Variants in COG5 observed in about 807,000 individuals in gnomAD.
COG5 encodes the protein conserved oligomeric Golgi complex subunit 5.
In COG5, 86 loss-of-function variants were observed where a neutral mutation model predicts 110.4. That is an observed-to-expected ratio of 0.78 (90% CI 0.65 to 0.93). The LOEUF (loss-of-function observed/expected upper bound fraction) is 0.93. Ranked by LOEUF, COG5 falls within the 40% of genes least tolerant of loss-of-function variation. The probability of loss-of-function intolerance (pLI) is 0.00; values close to 1 mark genes in which losing one functional copy is unlikely to be tolerated. For synonymous variants in COG5, 360 were observed against 334.6 expected (o/e 1.08, Z -0.83); for missense variants, 1,077 against 987.0 (o/e 1.09, Z -1.22).
In COG5 at chr7:107,283,602, C is replaced by A; in HGVS notation, c.1444G>T (p.Glu482Ter). Residue 482 changes from glutamate (E) to a stop codon, truncating the protein, a stop_gained, in exon 13 of 22, where the codon GAA becomes TAA. Coordinates refer to ENST00000297135, the MANE Select transcript of COG5 (RefSeq NM_006348.5). LOFTEE classifies it high-confidence loss of function. Reference protein sequence around the residue: ...PGGRNPPSSDELDGIIKTIAS... With the variant: ...PGGRNPPSSD ...ATAGTTTTAATAATACCATCAAGTTCATCAGAGGAAGGAGGATTACGACCA... is the reference window on the plus strand; with the variant it reads ...ATAGTTTTAATAATACCATCAAGTTAATCAGAGGAAGGAGGATTACGACCA... 1 of 1,613,954 alleles carries A rather than the reference C, an allele frequency of 6.2e-7. No individual in the cohort carries two copies. Among genetic ancestry groups the A allele is most frequent in the Non-Finnish European group, 8.5e-7 (1 of 1,179,942 alleles).
At chr7:107,219,525 C>A (rs1799755683) in intron 19 of COG5, among the ~76,000 whole-genome samples, 1 of 152,162 alleles carries the variant, frequency 6.6e-6, no homozygotes, top group African/African-American at 2.4e-5. Context: ...CAAATCCTGT[C>A]ATTCGACAAC....
intron 6 of COG5, among the ~76,000 whole-genome samples, chr7:107,460,297 G>A (rs1413328428): frequency 5.3e-5 from 8 of 151,972 alleles, no homozygotes; most frequent in Admixed American, 5.2e-4. Context: ...CACCTACTTG[G>A]AAGGGTGAGG....
At chr7:107,500,440 T>A (rs796441424) in intron 6 of COG5, among the ~76,000 whole-genome samples, 9 of 152,296 alleles carry the variant, frequency 5.9e-5, no homozygotes, top group African/African-American at 2.2e-4. Context: ...TACTACCTCA[T>A]TCTGAGGATC....
chr7:107,298,612 C>T (rs1806971176), intron 11 of COG5, among the ~76,000 whole-genome samples: 1 of 151,986 alleles, frequency 6.6e-6, no homozygotes, highest in South Asian at 2.1e-4. Context: ...TTTCAATTCC[C>T]TTTTTCAAGA....
rs372885514 is a variant in COG5 at position 107,314,512 on chromosome 7, G to A, written c.1108+9928C>T. On this transcript the variant is annotated intron_variant, in intron 11 of 21. Transcript: ENST00000297135. ...TAATCCCAGCACTTTGGGAGGCCGA[G>A]GCGGGCAGATCACGAGGTCAGGAGA... Among the ~76,000 whole-genome samples, 16 of 151,740 alleles carry A rather than the reference G, an allele frequency of 1.1e-4. No homozygotes were observed. The South Asian group carries it at 3.1e-3, about 30-fold the overall frequency.
Position 107,395,648 on chromosome 7 carries a change from A to G in COG5, c.669+16854T>C, listed in dbSNP as rs181835658. Among the ~76,000 whole-genome samples, 793 of 137,268 alleles carry G rather than the reference A, an allele frequency of 5.8e-3. 9 individuals carry two copies. The highest frequency in any genetic ancestry group is 0.021 in the African/African-American group (772 of 36,144). 90.1% of individuals were successfully genotyped at this position (137,268 alleles called of 152,430 possible). On this transcript the variant is annotated intron_variant, in intron 7 of 21. Transcript: ENST00000297135. Reference sequence around the variant, plus strand: ...CGGCTTACTGCAACCTCCGCCTCCTAGGTTCAAGCAATTCTCCTGCCTCAG... The same window carrying G: ...CGGCTTACTGCAACCTCCGCCTCCTGGGTTCAAGCAATTCTCCTGCCTCAG...
chr7:107,211,248 A>T, intron 19 of COG5, 23 bp from the exon 20 acceptor site: 1 of 1,612,526 alleles, frequency 6.2e-7, no homozygotes, highest in Non-Finnish European at 8.5e-7. Flanking sequence ...AACAGAAGTT[A>T]TTTCACACTG....
At chr7:107,549,588 G>C (rs56205261) in intron 3 of COG5, among the ~76,000 whole-genome samples, 2 of 146,406 alleles carry the variant, frequency 1.4e-5, no homozygotes, top group Admixed American at 1.4e-4. Context: ...ATTTTTAGTA[G>C]AGATGGGGTT....
At chr7:107,345,808 T>C (rs1022269945) in intron 10 of COG5, among the ~76,000 whole-genome samples, 7 of 152,240 alleles carry the variant, frequency 4.6e-5, no homozygotes, top group Non-Finnish European at 8.8e-5. Flanking sequence ...ACTATTTATA[T>C]GCCCACCTAA....
intron 3 of COG5, among the ~76,000 whole-genome samples, chr7:107,553,068 C>T (rs1160911841): frequency 6.6e-6 from 1 of 152,114 alleles, no homozygotes; most frequent in Non-Finnish European, 1.5e-5. Flanking sequence ...ATTGGGTACT[C>T]ATAGACCTGA....
chr7:107,509,021 C>A (rs1444169938), intron 6 of COG5, among the ~76,000 whole-genome samples: 1 of 152,146 alleles, frequency 6.6e-6, no homozygotes, highest in Non-Finnish European at 1.5e-5. Flanking sequence ...CAGCTCCTCA[C>A]CAGCAATGGA....
intron 6 of COG5, among the ~76,000 whole-genome samples, chr7:107,508,602 C>G (rs1267935955): frequency 1.3e-5 from 2 of 152,228 alleles, no homozygotes; most frequent in African/African-American, 2.4e-5. Flanking sequence ...TCCGTGACCC[C>G]CGAGCAGCCT....
chr7:107,240,999 T>C (rs2116491140), intron 17 of COG5, among the ~76,000 whole-genome samples: 1 of 152,338 alleles, frequency 6.6e-6, no homozygotes, highest in East Asian at 1.9e-4. Flanking sequence ...TTAGGCACCT[T>C]AAAATAATGC....
intron 6 of COG5, among the ~76,000 whole-genome samples, chr7:107,513,118 A>C (rs562510257): frequency 6.6e-5 from 10 of 151,158 alleles, no homozygotes; most frequent in African/African-American, 2.4e-4. Flanking sequence ...GCAACCTACA[A>C]AATGGGAGAA....
intron 19 of COG5, among the ~76,000 whole-genome samples, chr7:107,221,065 C>T (rs141829739): frequency 2.0e-4 from 30 of 152,134 alleles, no homozygotes; most frequent in African/African-American, 7.2e-4. Flanking sequence ...GATCTGTGTG[C>T]CTTGGCCTCC....
intron 19 of COG5, among the ~76,000 whole-genome samples, chr7:107,211,966 C>T (rs915018544): frequency 1.3e-5 from 2 of 152,150 alleles, no homozygotes; most frequent in African/African-American, 4.8e-5. Context: ...ATGGCAGCAA[C>T]ATCTCTTGAC....
intron 12 of COG5, among the ~76,000 whole-genome samples, chr7:107,295,221 G>C (rs1806646750): frequency 6.7e-6 from 1 of 148,234 alleles, no homozygotes; most frequent in African/African-American, 2.5e-5. Flanking sequence ...ATAGGCGTGA[G>C]CCACCACACC....
intron 3 of COG5, among the ~76,000 whole-genome samples, chr7:107,550,367 G>A (rs553654828): frequency 7.2e-5 from 11 of 152,158 alleles, no homozygotes; most frequent in African/African-American, 1.7e-4. Flanking sequence ...AAACTATTCC[G>A]AGTATTAATC....
At chr7:107,439,167 G>C (rs1794554203) in intron 6 of COG5, among the ~76,000 whole-genome samples, 1 of 151,864 alleles carries the variant, frequency 6.6e-6, no homozygotes, top group Non-Finnish European at 1.5e-5. Flanking sequence ...CCTCATCAAG[G>C]ACATTCTTCC....
Sources: gnomAD v4.1 joint callset for allele counts (sites outside exome capture counted in the v4.1 genomes callset) on GRCh38, gnomAD v4.1.1 for gene constraint, MANE v1.5 for transcripts, NCBI Gene and HGNC (gene_info 2026-07-23, HGNC 2026-07-21) for gene names.